Variants in EDIL3 observed in about 807,000 individuals in gnomAD.
EDIL3 encodes EGF like and discoidin domains 3, also known as EGF-like repeat and discoidin I-like domain-containing protein 3.
A neutral mutation model predicts 67.4 loss-of-function variants in EDIL3; 37 were observed. That is an observed-to-expected ratio of 0.55 (90% CI 0.42 to 0.72). EDIL3 has a LOEUF of 0.72. EDIL3 is among the 30% of genes least tolerant of loss of function. The probability of loss-of-function intolerance (pLI) is 0.00; values close to 1 mark genes in which losing one functional copy is unlikely to be tolerated. For missense variants in EDIL3, 527 were observed against 586.3 expected (o/e 0.90, Z 1.04); for synonymous variants, 195 against 196.3 (o/e 0.99, Z 0.05).
intron 3 of EDIL3, among the ~76,000 whole-genome samples, chr5:84,198,244 GC>G (rs1743755905): frequency 6.7e-6 from 1 of 148,972 alleles, no homozygotes; most frequent in East Asian, 2.0e-4. Flanking sequence ...GTGGGTCAAG[GC>G]AAAAAAAAAA....
At chr5:84,202,516 T>C (rs964523626) in intron 3 of EDIL3, among the ~76,000 whole-genome samples, 12 of 151,942 alleles carry the variant, frequency 7.9e-5, no homozygotes, top group African/African-American at 2.9e-4. Flanking sequence ...TAGCAGGGAG[T>C]GGACCTGATA....
At chr5:84,193,379 A>C (rs2112370034) in intron 3 of EDIL3, among the ~76,000 whole-genome samples, 1 of 151,998 alleles carries the variant, frequency 6.6e-6, no homozygotes, top group Middle Eastern at 3.4e-3. Context: ...TCAGTGGATG[A>C]ATATTGGTGC....
At chr5:84,248,311 T>G (rs1157138547) in intron 2 of EDIL3, among the ~76,000 whole-genome samples, 2 of 152,160 alleles carry the variant, frequency 1.3e-5, no homozygotes, top group Non-Finnish European at 2.9e-5. Flanking sequence ...ACACTGCTGA[T>G]TACCCACTCC....
At chr5:84,063,474 T>C (rs1306127007) in intron 8 of EDIL3, among the ~76,000 whole-genome samples, 1 of 152,128 alleles carries the variant, frequency 6.6e-6, no homozygotes, top group Non-Finnish European at 1.5e-5. Flanking sequence ...CTTCAAAAAA[T>C]ACACCAACAT....
At chr5:83,975,507 G>A (rs1445603686) in intron 9 of EDIL3, among the ~76,000 whole-genome samples, 1 of 151,804 alleles carries the variant, frequency 6.6e-6, no homozygotes, top group East Asian at 1.9e-4. Context: ...GGACTCATTT[G>A]TAGATTTAAA....
chr5:84,247,379 A>G (rs1744928984), intron 2 of EDIL3, among the ~76,000 whole-genome samples: 1 of 152,114 alleles, frequency 6.6e-6, no homozygotes, highest in African/African-American at 2.4e-5. Context: ...TTTCATGAAC[A>G]CTAACAAGAA....
intron 6 of EDIL3, among the ~76,000 whole-genome samples, chr5:84,083,170 T>G (rs377557366): frequency 1.6e-4 from 25 of 152,206 alleles, no homozygotes; most frequent in African/African-American, 5.8e-4. Context: ...TTAAAGTGTA[T>G]TGATGCTCTG....
At position 84,065,854 on chromosome 5, in the gene EDIL3, G is replaced by C. The variant is rs1250689599; in HGVS notation, c.807+597C>G. Reference sequence around the variant, plus strand: ...TAATCAGCCGGGCGCGGTGGCTCACGCCTGTAATCCCAGCACTTTGGGAGG... The same window carrying C: ...TAATCAGCCGGGCGCGGTGGCTCACCCCTGTAATCCCAGCACTTTGGGAGG... On this transcript the variant is annotated intron_variant, in intron 7 of 10. Coordinates refer to ENST00000296591, the MANE Select transcript of EDIL3 (RefSeq NM_005711.5). Among the ~76,000 whole-genome samples the C allele has an allele frequency of 2.0e-5, 3 of 151,778 alleles. No individual in the cohort carries two copies. In the East Asian group the frequency reaches 5.8e-4, roughly 29 times the overall value.
intron 9 of EDIL3, among the ~76,000 whole-genome samples, chr5:84,033,156 T>C (rs1745958444): frequency 6.6e-6 from 1 of 152,200 alleles, no homozygotes; most frequent in African/African-American, 2.4e-5. Context: ...AGGATGCTTC[T>C]CTGGAGATGA....
rs867763472 is a variant in EDIL3 at position 84,217,554 on chromosome 5, C to T, written c.226+12301G>A. ...TCCAGTGAATTGAAAGCCTTAAGAGCAAAAACTGATTTCCCTGAGAAGAGG... is the reference window on the plus strand; with the variant it reads ...TCCAGTGAATTGAAAGCCTTAAGAGTAAAAACTGATTTCCCTGAGAAGAGG... On this transcript the variant is annotated intron_variant, in intron 3 of 10. Coordinates refer to ENST00000296591, the MANE Select transcript of EDIL3 (RefSeq NM_005711.5). 9.2e-5 allele frequency among the ~76,000 whole-genome samples: 14 copies of T among 152,026 alleles called. 1 individual carries two copies. The highest frequency in any genetic ancestry group is 4.1e-4 in the South Asian group (2 of 4,832).
intron 9 of EDIL3, among the ~76,000 whole-genome samples, chr5:84,039,908 A>G (rs1231156111): frequency 6.6e-6 from 1 of 152,116 alleles, no homozygotes; most frequent in Non-Finnish European, 1.5e-5. Flanking sequence ...GTAGTCTTAA[A>G]GCAAATGCTA....
chr5:84,223,251 TA>T (rs753046461), intron 3 of EDIL3, among the ~76,000 whole-genome samples: 27 of 151,630 alleles, frequency 1.8e-4, no homozygotes, highest in Non-Finnish European at 3.5e-4. Flanking sequence ...CAAAAAAAAT[TA>T]AAAGTCTAAT....
chr5:84,131,287 T>C (rs1747962563), intron 5 of EDIL3, among the ~76,000 whole-genome samples: 1 of 152,156 alleles, frequency 6.6e-6, no homozygotes, highest in Admixed American at 6.6e-5. Flanking sequence ...AGATAAAGAA[T>C]CTGAGGCTCA....
chr5:84,064,610 GT>G (rs1397105191), intron 8 of EDIL3, 89 bp downstream of exon 8: 2 of 1,438,642 alleles, frequency 1.4e-6, no homozygotes, highest in Non-Finnish European at 1.8e-6. Context: ...TTCTATGGTT[GT>G]TGAATTTGTA....
At chr5:84,224,636 G>A (rs1375055357) in intron 3 of EDIL3, among the ~76,000 whole-genome samples, 3 of 151,394 alleles carry the variant, frequency 2.0e-5, no homozygotes, top group Non-Finnish European at 4.4e-5. Context: ...ATGTTCAGGT[G>A]AATGTTGTTA....
intron 3 of EDIL3, among the ~76,000 whole-genome samples, chr5:84,188,455 G>A (rs1264121326): frequency 6.6e-6 from 1 of 151,602 alleles, no homozygotes; most frequent in East Asian, 1.9e-4. Flanking sequence ...TCTTCTAATT[G>A]TTTCTCTCCT....
chr5:84,084,126 C>A (rs1313069187), intron 6 of EDIL3, among the ~76,000 whole-genome samples: 1 of 151,954 alleles, frequency 6.6e-6, no homozygotes, highest in Admixed American at 6.6e-5. Context: ...TCCTATATAG[C>A]AAGAAATAAA....
chr5:84,249,316 A>C (rs539740096), intron 2 of EDIL3, among the ~76,000 whole-genome samples: 97 of 152,236 alleles, frequency 6.4e-4, no homozygotes, highest in African/African-American at 2.2e-3. Context: ...TTAAAGCAAG[A>C]CATCTGCTTT....
intron 6 of EDIL3, among the ~76,000 whole-genome samples, chr5:84,073,209 G>T (rs888213287): frequency 1.3e-5 from 2 of 151,916 alleles, no homozygotes; most frequent in African/African-American, 4.8e-5. Flanking sequence ...AAATAATAAG[G>T]GCTATCTATG....
Sources: gnomAD v4.1 joint callset for allele counts (sites outside exome capture counted in the v4.1 genomes callset) on GRCh38, gnomAD v4.1.1 for gene constraint, MANE v1.5 for transcripts, NCBI Gene and HGNC (gene_info 2026-07-23, HGNC 2026-07-21) for gene names.